The following ZNF407 variants were observed in gnomAD, a reference collection of about 807,000 sequenced individuals.
The protein encoded by ZNF407 is zinc finger protein 407.
ZNF407 carries 17 observed loss-of-function variants against 131.2 expected under a neutral mutation model. The ratio of observed to expected loss-of-function variants is 0.13; its 90% confidence interval spans 0.09 to 0.19. ZNF407 has a LOEUF of 0.19. ZNF407 is among the 10% of genes least tolerant of loss of function. The pLI, the probability that ZNF407 is intolerant of heterozygous loss-of-function variation, is 1.00. For synonymous variants in ZNF407, 1,156 were observed against 1,062.0 expected (o/e 1.09, Z -1.72); for missense variants, 2,681 against 2,830.6 (o/e 0.95, Z 1.20).
intron 3 of ZNF407, among the ~76,000 whole-genome samples, chr18:74,736,991 G>A (rs1968430894): frequency 1.3e-5 from 2 of 152,114 alleles, no homozygotes; most frequent in African/African-American, 2.4e-5. Context: ...TCCTAGATAA[G>A]TTGCTATTAT....
chr18:74,945,320 C>T (rs1384728984), intron 8 of ZNF407, among the ~76,000 whole-genome samples: 1 of 152,120 alleles, frequency 6.6e-6, no homozygotes, highest in Non-Finnish European at 1.5e-5. Context: ...GCCGTGTGTC[C>T]TATAAATATA....
intron 6 of ZNF407, 22 bp from the exon 7 acceptor site, chr18:74,889,896 A>T: frequency 1.3e-6 from 2 of 1,592,864 alleles, no homozygotes; most frequent in Non-Finnish European, 1.7e-6. Context: ...ATTCATCTGT[A>T]ACATTTCTTG....
At chr18:74,804,023 C>T (rs1412227658) in intron 4 of ZNF407, 32 of 1,551,570 alleles carry the variant, frequency 2.1e-5, no homozygotes, top group East Asian at 1.2e-4. Context: ...AACAGGAACG[C>T]GTCGAGTGCC....
intron 3 of ZNF407, among the ~76,000 whole-genome samples, chr18:74,755,337 C>T (rs542430931): frequency 1.3e-5 from 2 of 152,068 alleles, no homozygotes; most frequent in South Asian, 2.1e-4. Context: ...GGATTTAGCC[C>T]ATTTACATTT....
intron 8 of ZNF407, among the ~76,000 whole-genome samples, chr18:74,954,450 A>G (rs1972253222): frequency 6.6e-6 from 1 of 152,196 alleles, no homozygotes; most frequent in South Asian, 2.1e-4. Flanking sequence ...AAAATAAAAA[A>G]TGTTGGGCAA....
intron 4 of ZNF407, among the ~76,000 whole-genome samples, chr18:74,791,603 T>A (rs1969827176): frequency 6.6e-6 from 1 of 152,194 alleles, no homozygotes. Flanking sequence ...CATGGCTCCC[T>A]GTCTTCTAGG....
intron 7 of ZNF407, among the ~76,000 whole-genome samples, chr18:74,914,816 G>T (rs549802598): frequency 3.5e-4 from 53 of 152,280 alleles, no homozygotes; most frequent in African/African-American, 1.2e-3. Context: ...CCTAGTGTTG[G>T]TTAGGAAACT....
At chr18:74,767,113 T>G (rs1460828194) in intron 3 of ZNF407, among the ~76,000 whole-genome samples, 1 of 152,120 alleles carries the variant, frequency 6.6e-6, no homozygotes, top group African/African-American at 2.4e-5. Context: ...GGTTTTGCCA[T>G]GTTGATCAGG....
chr18:74,599,245 TTTC>T (rs1234717485), intron 1 of ZNF407, among the ~76,000 whole-genome samples: 9 of 152,262 alleles, frequency 5.9e-5, no homozygotes, highest in African/African-American at 9.6e-5. Flanking sequence ...AAGGTAAAGC[TTTC>T]TTCTTGCGTG....
intron 8 of ZNF407, among the ~76,000 whole-genome samples, chr18:74,938,999 T>G (rs1972068879): frequency 6.6e-6 from 1 of 152,204 alleles, no homozygotes; most frequent in African/African-American, 2.4e-5. Context: ...AGCATAGAGA[T>G]AGAGTTGACA....
At chr18:74,779,103 A>T (rs1220267746) in intron 3 of ZNF407, among the ~76,000 whole-genome samples, 10 of 26,926 alleles carry the variant, frequency 3.7e-4, no homozygotes, top group Non-Finnish European at 5.8e-4. Context: ...ATATATATAT[A>T]TATATATTTT....
At chr18:74,989,782 G>A (rs1210512097) in intron 8 of ZNF407, among the ~76,000 whole-genome samples, 1 of 151,420 alleles carries the variant, frequency 6.6e-6, no homozygotes, top group Non-Finnish European at 1.5e-5. Context: ...GGTGGAGGTT[G>A]CAGTGAGCCA....
chr18:74,893,573 A>C (rs1200538067), intron 7 of ZNF407, among the ~76,000 whole-genome samples: 13 of 152,310 alleles, frequency 8.5e-5, no homozygotes, highest in Admixed American at 3.9e-4. Context: ...TGATGAAAAA[A>C]AGATTTAAAA....
chr18:74,848,413 C>T (rs1243484817), intron 4 of ZNF407, among the ~76,000 whole-genome samples: 1 of 152,074 alleles, frequency 6.6e-6, no homozygotes, highest in Non-Finnish European at 1.5e-5. Flanking sequence ...GGAAGTAAGG[C>T]CAGTGCTTAC....
intron 3 of ZNF407, among the ~76,000 whole-genome samples, chr18:74,714,860 A>T (rs1967855097): frequency 6.6e-6 from 1 of 152,074 alleles, no homozygotes; most frequent in South Asian, 2.1e-4. Context: ...GTCAAATAGG[A>T]TGTGCCCAAA....
chr18:74,907,378 G>A (rs1247146837), intron 7 of ZNF407, among the ~76,000 whole-genome samples: 1 of 152,126 alleles, frequency 6.6e-6, no homozygotes, highest in Non-Finnish European at 1.5e-5. Context: ...TGGCTCTTAC[G>A]CTGTGGGACT....
At position 74,631,681 on chromosome 18, in the gene ZNF407, G is replaced by A. The variant is rs372639119; in HGVS notation, c.662G>A (p.Ser221Asn). The A allele has an allele frequency of 3.7e-6, 6 of 1,613,874 alleles. No individual in the cohort carries two copies. In the Admixed American group the frequency reaches 6.7e-5, roughly 18 times the overall value. ...AAGGAACATACCTGTTGTCACTGCA[G>A]CCACAAAGCAGAGAGCAGCTCAGCA... ...QPKEHTCCHC[S>N]HKAESSSALH... The change falls in exon 2 of 9, where the codon AGC becomes AAC. Residue 221 changes from serine to asparagine, a missense_variant. Ser to Asn is a conservative substitution (Grantham distance 46, BLOSUM62 1). This residue lies in a region of ZNF407 where 1,789 missense variants were observed against 1,748.7 expected (regional missense o/e 1.02). Coordinates refer to ENST00000299687, the MANE Select transcript of ZNF407 (RefSeq NM_017757.3).
intron 8 of ZNF407, among the ~76,000 whole-genome samples, chr18:75,001,787 G>GAAA: frequency 6.6e-6 from 1 of 152,306 alleles, no homozygotes; most frequent in South Asian, 2.1e-4. Context: ...AATATAGTAG[G>GAAA]TTGTATGTGG....
intron 8 of ZNF407, among the ~76,000 whole-genome samples, chr18:74,982,208 C>A: frequency 6.6e-6 from 1 of 152,144 alleles, no homozygotes. Flanking sequence ...CATCATGTGT[C>A]TTTAAAGGTT....
Sources: allele counts gnomAD v4.1 joint callset (sites outside exome capture counted in the v4.1 genomes callset), GRCh38; gene constraint gnomAD v4.1.1; regional missense constraint gnomAD v4.1.1; transcripts MANE v1.5; gene names NCBI Gene and HGNC (gene_info 2026-07-23, HGNC 2026-07-21).